Variants in SEZ6L observed in about 807,000 individuals in gnomAD.
SEZ6L encodes the protein seizure 6-like protein.
In SEZ6L, 37 loss-of-function variants were observed where a neutral mutation model predicts 106.2. That is an observed-to-expected ratio of 0.35 (90% confidence interval 0.27 to 0.46). The LOEUF (loss-of-function observed/expected upper bound fraction) is 0.46. Ranked by LOEUF, SEZ6L falls within the 20% of genes least tolerant of loss-of-function variation. The pLI is 1.00. For missense variants in SEZ6L, 1,172 were observed against 1,332.8 expected (o/e 0.88, Z 1.88); for synonymous variants, 541 against 570.4 (o/e 0.95, Z 0.73).
rs2084079776 is a variant in SEZ6L at position 26,372,713 on chromosome 22, T to TG, written c.2795-737dup. Among the ~76,000 whole-genome samples, 3 of 152,306 alleles carry TG rather than the reference T, an allele frequency of 2.0e-5. No individual in the cohort carries two copies. In the South Asian group the frequency reaches 6.2e-4, roughly 32 times the overall value. On this transcript the variant is annotated intron_variant, in intron 13 of 16. Transcript: ENST00000248933. ...TGTGCTTAGCTACCATGATGACTGATGACAAAGATGGGGTGCCAGTCCCCA... is the reference window on the plus strand; with the variant it reads ...TGTGCTTAGCTACCATGATGACTGATGGACAAAGATGGGGTGCCAGTCCCCA...
chr22:26,373,053 A>G (rs941112007), intron 13 of SEZ6L, among the ~76,000 whole-genome samples: 12 of 152,238 alleles, frequency 7.9e-5, no homozygotes, highest in Admixed American at 3.9e-4. Context: ...AAGCTGTGTG[A>G]TGTCAGAGAA....
intron 9 of SEZ6L, among the ~76,000 whole-genome samples, chr22:26,330,388 G>A (rs1184489200): frequency 1.3e-5 from 2 of 152,218 alleles, no homozygotes; most frequent in Non-Finnish European, 2.9e-5. Flanking sequence ...TGCATGTAAA[G>A]TGCCTTGAAA....
At chr22:26,229,952 TTC>T (rs2078747886) in intron 1 of SEZ6L, among the ~76,000 whole-genome samples, 1 of 152,236 alleles carries the variant, frequency 6.6e-6, no homozygotes, top group Non-Finnish European at 1.5e-5. Flanking sequence ...AAAATAAGCC[TTC>T]TCTCTCTGAA....
chr22:26,232,959 G>A (rs2145750013), intron 1 of SEZ6L, among the ~76,000 whole-genome samples: 1 of 152,320 alleles, frequency 6.6e-6, no homozygotes, highest in East Asian at 1.9e-4. Flanking sequence ...ATGTACAAAT[G>A]TCAGCTGTTA....
chr22:26,277,071 T>TC (rs1458776628), intron 1 of SEZ6L, among the ~76,000 whole-genome samples: 2 of 151,066 alleles, frequency 1.3e-5, no homozygotes, highest in Admixed American at 6.6e-5. Flanking sequence ...AAGACGATTA[T>TC]CCGATAATTA....
chr22:26,222,846 C>T (rs894457301), intron 1 of SEZ6L, among the ~76,000 whole-genome samples: 3 of 152,128 alleles, frequency 2.0e-5, no homozygotes, highest in African/African-American at 7.2e-5. Context: ...TAACCAGGGG[C>T]AATTTTGCCC....
rs773423562 is a variant in SEZ6L at position 26,310,733 on chromosome 22, G to A, written c.1578G>A (p.Glu526=). The change falls in exon 7 of 17, where the codon GAG becomes GAA. Residue 526 remains glutamate, a synonymous_variant. Transcript: ENST00000248933. ...SALLYDSLQT[E]SVPFEGLLSE... ...TTCTCTACGACTCCCTTCAAACCGA[G>A]AGTGTCCCTTTTGAGGGCCTGCTGA... is the stretch of plus-strand genomic sequence containing the variant. 6.2e-7 allele frequency: 1 copy of A among 1,614,158 alleles called. No homozygotes were observed. Among genetic ancestry groups the A allele is most frequent in the South Asian group, 1.1e-5 (1 of 91,074 alleles).
intron 12 of SEZ6L, among the ~76,000 whole-genome samples, chr22:26,351,907 C>T (rs750149833): frequency 6.6e-5 from 10 of 151,838 alleles, no homozygotes; most frequent in Non-Finnish European, 1.5e-4. Flanking sequence ...ACCTGTAATC[C>T]CAGCACTGTG....
intron 1 of SEZ6L, among the ~76,000 whole-genome samples, chr22:26,204,209 T>C (rs1941159291): frequency 6.6e-6 from 1 of 152,218 alleles, no homozygotes; most frequent in Non-Finnish European, 1.5e-5. Flanking sequence ...ACTAGAGTCA[T>C]AGAAAGGTAC....
intron 5 of SEZ6L, among the ~76,000 whole-genome samples, chr22:26,304,361 A>AAAAGAAAGAAG (rs1180036759): frequency 8.9e-6 from 1 of 112,948 alleles, no homozygotes; most frequent in Admixed American, 9.3e-5. Context: ...CAAAAAAAAA[A>AAAAGAAAGAAG]AAAGAAAGAA....
Position 26,311,898 on chromosome 22 carries a change from G to A in SEZ6L, c.1812G>A (p.Pro604=), listed in dbSNP as rs199713722. Residue 604 remains proline (P), a synonymous_variant, in exon 8 of 17, where the codon CCG becomes CCA. Transcript: ENST00000248933. The part of the protein sequence containing the change: ...CDPGHSLEQG[P]AIIECINVRD... ...CCGGCCACTCCCTGGAGCAGGGCCCGGCCATCATCGAATGCATCAATGTGC... is the reference window on the plus strand; with the variant it reads ...CCGGCCACTCCCTGGAGCAGGGCCCAGCCATCATCGAATGCATCAATGTGC... The A allele has an allele frequency of 5.0e-6, 8 of 1,614,140 alleles. No homozygotes were observed. The highest frequency in any genetic ancestry group is 5.1e-6 in the Non-Finnish European group (6 of 1,180,026).
chr22:26,353,502 A>G (rs1216790400), intron 12 of SEZ6L, among the ~76,000 whole-genome samples: 1 of 152,242 alleles, frequency 6.6e-6, no homozygotes, highest in Non-Finnish European at 1.5e-5. Context: ...GTGTATTTAT[A>G]CACACATACT....
intron 9 of SEZ6L, among the ~76,000 whole-genome samples, chr22:26,315,686 G>C (rs936534390): frequency 6.6e-6 from 1 of 152,190 alleles, no homozygotes; most frequent in Middle Eastern, 3.4e-3. Flanking sequence ...CTGTAATGGG[G>C]GTCTTGGAAC....
intron 7 of SEZ6L, 77 bp from the exon 8 acceptor site, chr22:26,311,691 G>A: frequency 1.3e-5 from 17 of 1,264,388 alleles, no homozygotes; most frequent in Non-Finnish European, 1.9e-5. Flanking sequence ...CAGCACAGGG[G>A]ACCCATCTTC....
intron 1 of SEZ6L, among the ~76,000 whole-genome samples, chr22:26,253,101 G>A (rs1028450245): frequency 1.3e-5 from 2 of 152,158 alleles, no homozygotes; most frequent in South Asian, 4.1e-4. Context: ...CCCTAGAAGG[G>A]TGGGTATTAT....
intron 1 of SEZ6L, among the ~76,000 whole-genome samples, chr22:26,280,413 GT>G (rs1229351356): frequency 6.6e-6 from 1 of 151,938 alleles, no homozygotes; most frequent in African/African-American, 2.4e-5. Flanking sequence ...TTCTTTCAAA[GT>G]TCCTTTATGC....
At chr22:26,267,419 A>C (rs1225950653) in intron 1 of SEZ6L, among the ~76,000 whole-genome samples, 3 of 152,252 alleles carry the variant, frequency 2.0e-5, no homozygotes, top group African/African-American at 7.2e-5. Flanking sequence ...AATATAACCA[A>C]GGACCTTTTT....
At chr22:26,364,111 A>G (rs560652856) in intron 12 of SEZ6L, among the ~76,000 whole-genome samples, 2 of 152,348 alleles carry the variant, frequency 1.3e-5, no homozygotes, top group East Asian at 3.9e-4. Flanking sequence ...TGGACTGTAC[A>G]CTTAAAATGG....
chr22:26,247,504 G>C (rs1016172448), intron 1 of SEZ6L, among the ~76,000 whole-genome samples: 5 of 152,118 alleles, frequency 3.3e-5, no homozygotes, highest in African/African-American at 1.2e-4. Flanking sequence ...GACACACTCA[G>C]AGAAGAATGC....
Sources: gnomAD v4.1 joint callset for allele counts (sites outside exome capture counted in the v4.1 genomes callset) on GRCh38, gnomAD v4.1.1 for gene constraint, MANE v1.5 for transcripts, NCBI Gene and HGNC (gene_info 2026-07-23, HGNC 2026-07-21) for gene names.